Variants in TRPM1 observed in about 807,000 individuals in gnomAD.
TRPM1 encodes the protein transient receptor potential cation channel subfamily M member 1, also known as TRPM1-203 APA Isoform, Intron 10.
A neutral mutation model predicts 149.4 loss-of-function variants in TRPM1; 113 were observed. That is an observed-to-expected ratio of 0.76 (90% CI 0.65 to 0.88). The LOEUF (loss-of-function observed/expected upper bound fraction) is 0.88. Among genes scored for constraint, TRPM1 ranks in the 40% least tolerant of loss-of-function variants. The pLI, the probability that TRPM1 is intolerant of heterozygous loss-of-function variation, is 0.00. For synonymous variants in TRPM1, 741 were observed against 759.5 expected, an observed-to-expected ratio of 0.98 and a Z score of 0.40; for missense variants, 1,976 against 2,038.7, an observed-to-expected ratio of 0.97 and a Z score of 0.59.
intron 1 of TRPM1, among the ~76,000 whole-genome samples, chr15:31,086,926 C>G (rs2035017637): frequency 2.0e-5 from 3 of 152,142 alleles, no homozygotes; most frequent in African/African-American, 7.2e-5. Context: ...GGACTTTACA[C>G]ATTTCTCCAA....
chr15:31,076,518 A>C (rs1380117565), intron 3 of TRPM1, among the ~76,000 whole-genome samples: 1 of 152,216 alleles, frequency 6.6e-6, no homozygotes, highest in Non-Finnish European at 1.5e-5. Flanking sequence ...TAGCTAGTTC[A>C]TTCAACCGCT....
At chr15:31,083,764 C>G (rs2034924695) in intron 1 of TRPM1, among the ~76,000 whole-genome samples, 1 of 152,190 alleles carries the variant, frequency 6.6e-6, no homozygotes, top group South Asian at 2.1e-4. Flanking sequence ...CAGGGATACT[C>G]TCAGGTCAGA....
At chr15:31,087,058 G>GA (rs2035021165) in intron 1 of TRPM1, among the ~76,000 whole-genome samples, 1 of 151,750 alleles carries the variant, frequency 6.6e-6, no homozygotes, top group South Asian at 2.1e-4. Flanking sequence ...TGGATACTCT[G>GA]AAAAAACAGG....
At chr15:31,119,219 C>T (rs903542791) in intron 1 of TRPM1, among the ~76,000 whole-genome samples, 3 of 150,892 alleles carry the variant, frequency 2.0e-5, no homozygotes, top group African/African-American at 7.3e-5. Context: ...CCAGCCTGGG[C>T]AACAAGAGTG....
chr15:31,110,230 T>TC (rs1464437283), intron 1 of TRPM1, among the ~76,000 whole-genome samples: 1 of 152,238 alleles, frequency 6.6e-6, no homozygotes, highest in Non-Finnish European at 1.5e-5. Context: ...GTTAAAAAAA[T>TC]CTTCATTTGT....
At chr15:31,098,398 C>T (rs2035440147) in intron 1 of TRPM1, among the ~76,000 whole-genome samples, 1 of 152,166 alleles carries the variant, frequency 6.6e-6, no homozygotes, top group Non-Finnish European at 1.5e-5. Context: ...CCATTGCACT[C>T]CAGCCTGAGC....
At chr15:31,088,980 T>C (rs997746517) in intron 1 of TRPM1, among the ~76,000 whole-genome samples, 2 of 152,334 alleles carry the variant, frequency 1.3e-5, no homozygotes, top group South Asian at 4.1e-4. Flanking sequence ...AGCACTTTCT[T>C]GGCTGATGGG....
intron 17 of TRPM1, among the ~76,000 whole-genome samples, chr15:31,041,147 A>G: frequency 6.7e-6 from 1 of 150,280 alleles, no homozygotes; most frequent in East Asian, 1.9e-4. Flanking sequence ...TAAACGTTCC[A>G]AGTTCCTTCA....
At chr15:31,110,115 G>C (rs1354363828) in intron 1 of TRPM1, among the ~76,000 whole-genome samples, 1 of 152,094 alleles carries the variant, frequency 6.6e-6, no homozygotes, top group East Asian at 1.9e-4. Context: ...GCATACTGTT[G>C]AATTCTTTAC....
chr15:31,112,748 C>A (rs1407171348), intron 1 of TRPM1, among the ~76,000 whole-genome samples: 1 of 152,124 alleles, frequency 6.6e-6, no homozygotes, highest in Non-Finnish European at 1.5e-5. Context: ...AAAGATTCCA[C>A]GTGAACTAAA....
At chr15:31,161,079 A>C in exon 1 of TRPM1, 1 of 1,000,502 alleles carries the variant, frequency 1.0e-6, no homozygotes, top group Non-Finnish European at 1.5e-6. Flanking sequence ...GCAGCCCCAC[A>C]CTCGGCGGCA....
Position 31,138,081 on chromosome 15 carries a change from A to G in TRPM1, c.54+22825T>C, listed in dbSNP as rs114755423. On this transcript the variant is annotated intron_variant, in intron 1 of 26. Transcript: ENST00000542188. ...TAACTTATGGGCCAAGCAAAGCCTG[A>G]AAAATGACCATTGAAAGCCATTCTT... 2.9e-3 allele frequency among the ~76,000 whole-genome samples: 441 copies of G among 152,300 alleles called. 6 individuals carry two copies. Among genetic ancestry groups the G allele is most frequent in the African/African-American group, 0.01 (416 of 41,572 alleles).
chr15:31,053,468 G>A (rs958457935), intron 11 of TRPM1, among the ~76,000 whole-genome samples: 1 of 145,570 alleles, frequency 6.9e-6, no homozygotes, highest in Non-Finnish European at 1.5e-5. Flanking sequence ...TCGCCATGTT[G>A]GCCAGGCTGG....
intron 1 of TRPM1, among the ~76,000 whole-genome samples, chr15:31,123,769 C>T (rs993755330): frequency 6.6e-6 from 1 of 152,184 alleles, no homozygotes. Context: ...CTTTGTAAGA[C>T]AGTCTGGCAG....
chr15:31,151,280 C>T (rs374895654), intron 1 of TRPM1, among the ~76,000 whole-genome samples: 3 of 152,152 alleles, frequency 2.0e-5, no homozygotes, highest in South Asian at 2.1e-4. Context: ...AGTTGTTTAC[C>T]GTCACTCCCA....
chr15:31,049,281 G>A, intron 13 of TRPM1, 94 bp downstream of exon 13: 6 of 1,578,272 alleles, frequency 3.8e-6, no homozygotes, highest in Non-Finnish European at 4.3e-6. Flanking sequence ...AGCTGAAGGA[G>A]GTCAGATGAG....
rs546279694 is a variant in TRPM1 at position 31,124,673 on chromosome 15, A to C, written c.54+36233T>G. Among the ~76,000 whole-genome samples, 37 of 150,990 alleles carry C rather than the reference A, an allele frequency of 2.5e-4. 1 individual carries two copies. The South Asian group carries it at 7.7e-3, about 32-fold the overall frequency. ...CTGTCTCAAAAAAAAAAAAAAAAAAAAGTCAATCTGAGAAGGCTACATACT... is the reference window on the plus strand; with the variant it reads ...CTGTCTCAAAAAAAAAAAAAAAAAACAGTCAATCTGAGAAGGCTACATACT... On this transcript the variant is annotated intron_variant, in intron 1 of 26. Coordinates refer to the TRPM1 transcript ENST00000542188.
At chr15:31,106,220 C>A (rs2035604369), upstream of TRPM1, among the ~76,000 whole-genome samples, 1 of 151,566 alleles carries the variant, frequency 6.6e-6, no homozygotes, top group Non-Finnish European at 1.5e-5. Context: ...CTCACTGCAA[C>A]CTCTGTCTCC....
chr15:31,064,706 G>A (rs1238533698), intron 7 of TRPM1, among the ~76,000 whole-genome samples: 3 of 152,180 alleles, frequency 2.0e-5, no homozygotes, highest in Non-Finnish European at 2.9e-5. Context: ...TTTCAAATGA[G>A]CCATTTCAGA....
Sources: gnomAD v4.1 joint callset for allele counts (sites outside exome capture counted in the v4.1 genomes callset) on GRCh38, gnomAD v4.1.1 for gene constraint, MANE v1.5 for transcripts, NCBI Gene and HGNC (gene_info 2026-07-23, HGNC 2026-07-21) for gene names.